PKN2: variants seen among roughly 807,000 people sequenced by gnomAD.
PKN2 encodes serine/threonine-protein kinase N2.
In PKN2, 38 loss-of-function variants were observed where a neutral mutation model predicts 119.1. The ratio of observed to expected loss-of-function variants is 0.32; its 90% CI spans 0.25 to 0.42. The LOEUF is 0.42. Ranked by LOEUF, PKN2 falls within the 10% of genes least tolerant of loss-of-function variation. The probability of loss-of-function intolerance (pLI) is 1.00; values close to 1 mark genes in which losing one functional copy is unlikely to be tolerated. For missense variants in PKN2, 850 were observed against 1,165.1 expected (o/e 0.73, Z 3.94); for synonymous variants, 390 against 384.9 (o/e 1.01, Z -0.15).
At chr1:88,819,255 A>G (rs1672144812) in intron 16 of PKN2, among the ~76,000 whole-genome samples, 1 of 149,034 alleles carries the variant, frequency 6.7e-6, no homozygotes, top group Admixed American at 6.6e-5. Context: ...AGAATGGGAG[A>G]AGATTTTTGC....
chr1:88,716,052 C>G (rs921460934), intron 1 of PKN2, among the ~76,000 whole-genome samples: 3 of 152,104 alleles, frequency 2.0e-5, no homozygotes, highest in Non-Finnish European at 4.4e-5. Flanking sequence ...TGTTATTTAC[C>G]CAGTAGTCAT....
intron 1 of PKN2, among the ~76,000 whole-genome samples, chr1:88,699,901 G>C (rs569559714): frequency 1.9e-4 from 29 of 152,038 alleles, no homozygotes; most frequent in Non-Finnish European, 2.9e-5. Flanking sequence ...TCCTGCCTCA[G>C]CTTCCCGAGT....
In PKN2 at chr1:88,769,521, T is replaced by G. The variant is rs78363749; in HGVS notation, c.505-831T>G. Among the ~76,000 whole-genome samples, 1,501 of 152,324 alleles carry G rather than the reference T, an allele frequency of 9.9e-3. 19 individuals carry two copies. The highest frequency in any genetic ancestry group is 0.034 in the African/African-American group (1,418 of 41,558). On this transcript the variant is annotated intron_variant, in intron 3 of 21. Transcript: ENST00000370521. ...AAATTACAAATGTGAATTTGGATTT[T>G]GATTTTCTAAAAGATAGTAATAAGA...
chr1:88,707,518 C>T (rs1348314056), intron 1 of PKN2, among the ~76,000 whole-genome samples: 1 of 152,032 alleles, frequency 6.6e-6, no homozygotes. Context: ...AAACCTTTTG[C>T]ATTTTATATA....
At position 88,835,575 on chromosome 1, in the gene PKN2, T is replaced by G. The variant is rs1672911947; in HGVS notation, c.*2127T>G. The G allele has an allele frequency of 6.6e-6, 1 of 152,314 alleles. No homozygotes were observed. The highest frequency in any genetic ancestry group is 1.5e-5 in the Non-Finnish European group (1 of 67,888). The allele number at this position is 152,314 out of a possible 1,614,324, so 9.4% of individuals were successfully genotyped here. A position where few individuals can be genotyped will look rare whatever the true frequency, so the allele number is the denominator to read the frequency against. On this transcript the variant is annotated 3_prime_UTR_variant, in exon 22 of 22. Coordinates refer to ENST00000370521, the MANE Select transcript of PKN2 (RefSeq NM_006256.4). The stretch of plus-strand genomic sequence containing the variant: ...AGTTTAAAATATATATATATTTTAG[T>G]CAGATTTAAAATTTTAAGCTTTATA...
At chr1:88,769,703 C>G (rs1027771504) in intron 3 of PKN2, among the ~76,000 whole-genome samples, 1 of 151,918 alleles carries the variant, frequency 6.6e-6, no homozygotes, top group African/African-American at 2.4e-5. Context: ...GTGAAATAAG[C>G]CAGACACAGG....
chr1:88,710,304 T>TA (rs1667176086), intron 1 of PKN2, among the ~76,000 whole-genome samples: 1 of 152,194 alleles, frequency 6.6e-6, no homozygotes, highest in South Asian at 2.1e-4. Context: ...TAAGATCTGT[T>TA]AGAAAAGAGA....
chr1:88,741,330 A>T (rs867529283), intron 2 of PKN2, 42 bp downstream of exon 2: 49 of 1,193,204 alleles, frequency 4.1e-5, no homozygotes, highest in Middle Eastern at 3.0e-4. Context: ...GTATATTAAT[A>T]AAAAAAATGT....
intron 8 of PKN2, among the ~76,000 whole-genome samples, chr1:88,795,738 G>A (rs1671038401): frequency 6.6e-6 from 1 of 152,146 alleles, no homozygotes; most frequent in South Asian, 2.1e-4. Context: ...CTGAAGCCAC[G>A]GCTTTTGTTC....
intron 16 of PKN2, among the ~76,000 whole-genome samples, chr1:88,821,460 A>G (rs1359621388): frequency 6.6e-6 from 1 of 152,196 alleles, no homozygotes; most frequent in Non-Finnish European, 1.5e-5. Flanking sequence ...ATGACATTCA[A>G]GGTCCTTCGC....
intron 1 of PKN2, among the ~76,000 whole-genome samples, chr1:88,705,254 C>T (rs537990303): frequency 6.6e-6 from 1 of 151,578 alleles, no homozygotes; most frequent in Admixed American, 6.6e-5. Flanking sequence ...TAAAGCTATT[C>T]TCCTGTTTTC....
chr1:88,813,800 A>C, intron 16 of PKN2, 67 bp downstream of exon 16: 1 of 1,298,746 alleles, frequency 7.7e-7, no homozygotes, highest in Non-Finnish European at 1.1e-6. Flanking sequence ...AGGAAAAGAG[A>C]TTCTTTGAAT....
At chr1:88,782,219 T>C (rs1670374106) in intron 6 of PKN2, among the ~76,000 whole-genome samples, 1 of 152,176 alleles carries the variant, frequency 6.6e-6, no homozygotes, top group Non-Finnish European at 1.5e-5. Flanking sequence ...AACATGTTTT[T>C]TTCTGGCTAC....
At chr1:88,812,960 A>G (rs936677412) in intron 15 of PKN2, among the ~76,000 whole-genome samples, 3 of 152,236 alleles carry the variant, frequency 2.0e-5, no homozygotes, top group Admixed American at 6.5e-5. Context: ...GACAAAAATA[A>G]AAACTGTTAA....
chr1:88,691,682 T>A (rs1666340123), intron 1 of PKN2, among the ~76,000 whole-genome samples: 1 of 152,130 alleles, frequency 6.6e-6, no homozygotes, highest in Non-Finnish European at 1.5e-5. Flanking sequence ...GTCATCTAGG[T>A]CATCATTTTT....
chr1:88,832,843 A>G lies in PKN2; in HGVS notation c.2662A>G (p.Met888Val), dbSNP rs548272772. 6.6e-6 allele frequency: 10 copies of G among 1,525,096 alleles called. No individual in the cohort carries two copies. In the South Asian group the frequency reaches 1.2e-4, roughly 18 times the overall value. 94.5% of individuals were successfully genotyped at this position (1,525,096 alleles called of 1,614,324 possible). ...RFLSTEAISIMRRLLRRNPER... is the reference protein window; with the variant it reads ...RFLSTEAISIVRRLLRRNPER... ...CTTATCTACAGAAGCCATTTCTATA[A>G]TGAGAAGGGTAAGAATTAAAATAAG... is the stretch of plus-strand genomic sequence containing the variant. Residue 888 changes from methionine (M) to valine (V), a missense_variant, in exon 20 of 22, where the codon ATG (methionine) becomes GTG (valine). Met to Val is a conservative substitution (Grantham distance 21). Coordinates refer to ENST00000370521, the MANE Select transcript of PKN2 (RefSeq NM_006256.4).
intron 3 of PKN2, 94 bp from the exon 4 acceptor site, chr1:88,770,258 C>T: frequency 6.0e-6 from 4 of 664,580 alleles, no homozygotes; most frequent in Non-Finnish European, 5.4e-6. Context: ...CTGTTTTTCA[C>T]TTGCTGATAT....
intron 3 of PKN2, among the ~76,000 whole-genome samples, chr1:88,765,543 T>A (rs1358479258): frequency 6.6e-6 from 1 of 152,210 alleles, no homozygotes; most frequent in African/African-American, 2.4e-5. Context: ...TTTGTATGTT[T>A]CTATACATAT....
At chr1:88,768,127 C>G (rs977923133) in intron 3 of PKN2, among the ~76,000 whole-genome samples, 1 of 152,144 alleles carries the variant, frequency 6.6e-6, no homozygotes, top group Non-Finnish European at 1.5e-5. Context: ...TGGATGGATA[C>G]CAGTCTTTAA....
Sources: gnomAD v4.1 joint callset for allele counts (sites outside exome capture counted in the v4.1 genomes callset) on GRCh38, gnomAD v4.1.1 for gene constraint, MANE v1.5 for transcripts, NCBI Gene and HGNC (gene_info 2026-07-23, HGNC 2026-07-21) for gene names.